The following CYSTM1 variants were observed in gnomAD, a reference collection of about 807,000 sequenced individuals.
The protein encoded by CYSTM1 is cysteine rich transmembrane module containing 1, also known as cysteine-rich transmembrane module-containing protein 1.
A neutral mutation model predicts 13.1 loss-of-function variants in CYSTM1; 4 were observed. That is an observed-to-expected ratio of 0.31 (90% CI 0.15 to 0.70). The LOEUF (loss-of-function observed/expected upper bound fraction) is 0.70. Among genes scored for constraint, CYSTM1 ranks in the 30% least tolerant of loss-of-function variants. The probability of loss-of-function intolerance (pLI) is 0.72; values close to 1 mark genes in which losing one functional copy is unlikely to be tolerated. For missense variants in CYSTM1, 96 were observed against 121.6 expected, an observed-to-expected ratio of 0.79 and a Z score of 0.99; for synonymous variants, 36 against 42.7, an observed-to-expected ratio of 0.84 and a Z score of 0.62.
At position 140,181,254 on chromosome 5, in the gene CYSTM1, A is replaced by G. The variant is rs776024383; in HGVS notation, c.-21+5969A>G. Among the ~76,000 whole-genome samples, 4 of 152,258 alleles carry G rather than the reference A, an allele frequency of 2.6e-5. No homozygotes were observed. In the South Asian group the frequency reaches 8.3e-4, roughly 32 times the overall value. On this transcript the variant is annotated intron_variant, in intron 1 of 2. Coordinates refer to ENST00000261811, the MANE Select transcript of CYSTM1 (RefSeq NM_032412.4). Reference sequence around the variant, plus strand: ...TCTGTGAGCCCTTATTGTTAAGTCGAATACTTAGTGCTTTCCTGCTGCCAC... The same window carrying G: ...TCTGTGAGCCCTTATTGTTAAGTCGGATACTTAGTGCTTTCCTGCTGCCAC...
chr5:140,187,530 C>T (rs1445315669), intron 1 of CYSTM1, among the ~76,000 whole-genome samples: 1 of 152,054 alleles, frequency 6.6e-6, no homozygotes, highest in African/African-American at 2.4e-5. Context: ...CCACACCCAG[C>T]TCAATTTTCC....
intron 2 of CYSTM1, among the ~76,000 whole-genome samples, chr5:140,224,999 A>G (rs373973905): frequency 2.7e-4 from 41 of 152,296 alleles, no homozygotes; most frequent in African/African-American, 7.9e-4. Context: ...TGGACAACAT[A>G]GCAAGACCCT....
chr5:140,194,739 T>C lies in CYSTM1; in HGVS notation c.187+87T>C, dbSNP rs1325127920. 5 of 1,480,358 alleles carry C rather than the reference T, an allele frequency of 3.4e-6. No homozygotes were observed. In the African/African-American group the frequency reaches 7.2e-5, roughly 21 times the overall value. The allele number at this position is 1,480,358 out of a possible 1,614,324, so 91.7% of individuals were successfully genotyped here. A position where few individuals can be genotyped will look rare whatever the true frequency, so the allele number is the denominator to read the frequency against. ...TTTCTTTGGCAGAGAAGAAATTCTT[T>C]CCAGCCTTTGCAACTTGTGCTTGAT... On this transcript the variant is annotated intron_variant, in intron 2 of 2. Transcript: ENST00000261811.
intron 2 of CYSTM1, among the ~76,000 whole-genome samples, chr5:140,220,526 T>C (rs748101965): frequency 9.2e-5 from 14 of 152,204 alleles, no homozygotes; most frequent in Non-Finnish European, 2.1e-4. Flanking sequence ...GTTTGGCATG[T>C]GGCTGTGAGC....
chr5:140,242,963 C>A (rs1764768727), intron 2 of CYSTM1, among the ~76,000 whole-genome samples: 1 of 152,198 alleles, frequency 6.6e-6, no homozygotes, highest in African/African-American at 2.4e-5. Context: ...CAAGAAATGA[C>A]CCCCAGTTCC....
chr5:140,193,866 C>T (rs759986011), intron 1 of CYSTM1, among the ~76,000 whole-genome samples: 11 of 152,170 alleles, frequency 7.2e-5, no homozygotes, highest in Non-Finnish European at 1.3e-4. Context: ...CTCAGAGCAG[C>T]GGGTCTGGGG....
In CYSTM1 at chr5:140,187,081, G is replaced by A. The variant is rs533454829; in HGVS notation, c.-20-7365G>A. On this transcript the variant is annotated intron_variant, in intron 1 of 2. Transcript: ENST00000261811. ...GCAGAGGTTGTAGTGAGCCGAGATC[G>A]CACCACTGCCCTCCAGCCTGGGCGA... is the stretch of plus-strand genomic sequence containing the variant. Among the ~76,000 whole-genome samples the A allele has an allele frequency of 2.0e-5, 3 of 152,138 alleles. 1 individual carries two copies. Among genetic ancestry groups the A allele is most frequent in the South Asian group, 2.1e-4 (1 of 4,816 alleles).
chr5:140,223,104 T>G (rs568902689), intron 2 of CYSTM1, among the ~76,000 whole-genome samples: 1 of 152,282 alleles, frequency 6.6e-6, no homozygotes, highest in South Asian at 2.1e-4. Flanking sequence ...GCAATTACAG[T>G]GTGCTGGCAG....
intron 2 of CYSTM1, among the ~76,000 whole-genome samples, chr5:140,226,864 G>T (rs1028346875): frequency 6.6e-6 from 1 of 151,878 alleles, no homozygotes; most frequent in African/African-American, 2.4e-5. Context: ...AAGGGGTGGG[G>T]TGGGCACTAC....
At chr5:140,233,705 TTTTAA>T (rs1764645596) in intron 2 of CYSTM1, among the ~76,000 whole-genome samples, 3 of 152,214 alleles carry the variant, frequency 2.0e-5, no homozygotes, top group Admixed American at 6.5e-5. Flanking sequence ...CTCATTGTGG[TTTTAA>T]TTTGTGTTTT....
chr5:140,178,468 A>ATTTTTTTTTTTTTTTTTT (rs1763919945), intron 1 of CYSTM1, among the ~76,000 whole-genome samples: 2 of 54,652 alleles, frequency 3.7e-5, no homozygotes, highest in Admixed American at 4.9e-4. Flanking sequence ...TTTTTTTTTC[A>ATTTTTTTTTTTTTTTTTT]GAAACAGGGC....
chr5:140,237,034 C>T (rs1452657678), intron 2 of CYSTM1, among the ~76,000 whole-genome samples: 1 of 152,222 alleles, frequency 6.6e-6, no homozygotes, highest in Non-Finnish European at 1.5e-5. Flanking sequence ...TTCCCTCACA[C>T]ATGCCTTGCT....
chr5:140,194,993 C>T (rs1299520987), intron 2 of CYSTM1, among the ~76,000 whole-genome samples: 1 of 152,226 alleles, frequency 6.6e-6, no homozygotes, highest in Non-Finnish European at 1.5e-5. Flanking sequence ...TAATTAGCCT[C>T]TTGAGTTTAT....
chr5:140,226,548 T>G (rs1215521069), intron 2 of CYSTM1, among the ~76,000 whole-genome samples: 2 of 116,988 alleles, frequency 1.7e-5, no homozygotes, highest in African/African-American at 6.6e-5. Context: ...ATATTAATAA[T>G]ATAATATATA....
At chr5:140,191,015 C>T (rs1279265466) in intron 1 of CYSTM1, among the ~76,000 whole-genome samples, 1 of 152,170 alleles carries the variant, frequency 6.6e-6, no homozygotes, top group Non-Finnish European at 1.5e-5. Flanking sequence ...GTGGTTTGTA[C>T]TATACTGTGT....
At chr5:140,199,601 C>A (rs1031182902) in intron 2 of CYSTM1, among the ~76,000 whole-genome samples, 2 of 152,098 alleles carry the variant, frequency 1.3e-5, no homozygotes, top group African/African-American at 4.8e-5. Context: ...AGCGATTCTC[C>A]TGCCTCAGCC....
chr5:140,231,621 C>T (rs373916159), intron 2 of CYSTM1, among the ~76,000 whole-genome samples: 1 of 152,196 alleles, frequency 6.6e-6, no homozygotes, highest in South Asian at 2.1e-4. Flanking sequence ...AAAAGGGGAA[C>T]AATCTGGCAC....
intron 2 of CYSTM1, among the ~76,000 whole-genome samples, chr5:140,234,041 C>T (rs1333885261): frequency 6.6e-6 from 1 of 152,152 alleles, no homozygotes; most frequent in Non-Finnish European, 1.5e-5. Context: ...TGTCTAACCC[C>T]AGGTCATGAA....
chr5:140,186,943 T>G (rs1764021154), intron 1 of CYSTM1, among the ~76,000 whole-genome samples: 1 of 152,024 alleles, frequency 6.6e-6, no homozygotes, highest in African/African-American at 2.4e-5. Context: ...CTGGCCAACA[T>G]GGTGAAACCC....
Sources: gnomAD v4.1 joint callset for allele counts (sites outside exome capture counted in the v4.1 genomes callset) on GRCh38, gnomAD v4.1.1 for gene constraint, MANE v1.5 for transcripts, NCBI Gene and HGNC (gene_info 2026-07-23, HGNC 2026-07-21) for gene names.